MYO1D: variants seen among roughly 807,000 people sequenced by gnomAD.
MYO1D encodes unconventional myosin-Id.
A neutral mutation model predicts 122.0 loss-of-function variants in MYO1D; 83 were observed. The observed-to-expected ratio is 0.68, with a 90% CI of 0.57 to 0.82. MYO1D has a LOEUF of 0.82. MYO1D is among the 40% of genes least tolerant of loss of function. The pLI is 0.00. For missense variants in MYO1D, 1,157 were observed against 1,269.5 expected, an observed-to-expected ratio of 0.91 and a Z score of 1.35; for synonymous variants, 464 against 446.9, an observed-to-expected ratio of 1.04 and a Z score of -0.48.
rs925462806 is a variant in MYO1D at position 32,674,869 on chromosome 17, C to T, written c.2122-15531G>A. ...CAGAGATACTGGGCGAAGATGCTTC[C>T]TCAAAGGGGATTTTAGAATGTTGCA... On this transcript the variant is annotated intron_variant, in intron 16 of 21. Transcript: ENST00000318217. 5.1e-4 allele frequency among the ~76,000 whole-genome samples: 77 copies of T among 152,142 alleles called. 1 individual carries two copies. Among genetic ancestry groups the T allele is most frequent in the Admixed American group, 4.5e-3 (68 of 15,274 alleles).
At chr17:32,658,255 T>C (rs1225796133) in intron 17 of MYO1D, among the ~76,000 whole-genome samples, 1 of 152,240 alleles carries the variant, frequency 6.6e-6, no homozygotes, top group East Asian at 1.9e-4. Context: ...GAAGATAACA[T>C]CTGATTTAGC....
chr17:32,768,152 C>T (rs967566088), intron 6 of MYO1D, among the ~76,000 whole-genome samples: 2 of 152,190 alleles, frequency 1.3e-5, no homozygotes, highest in African/African-American at 4.8e-5. Context: ...CTCTTTGTTC[C>T]ACAATTGTCT....
intron 19 of MYO1D, among the ~76,000 whole-genome samples, chr17:32,645,662 A>G (rs2088280642): frequency 6.6e-6 from 1 of 152,024 alleles, no homozygotes. Flanking sequence ...TTGATCTTCA[A>G]TCACTGATAC....
chr17:32,656,577 T>C (rs926064225), intron 17 of MYO1D, among the ~76,000 whole-genome samples: 2 of 152,248 alleles, frequency 1.3e-5, no homozygotes, highest in Admixed American at 1.3e-4. Context: ...GCAGGCCACA[T>C]GTTGGTCAGA....
At chr17:32,644,867 A>G (rs1479382691) in intron 19 of MYO1D, among the ~76,000 whole-genome samples, 3 of 152,032 alleles carry the variant, frequency 2.0e-5, no homozygotes, top group Non-Finnish European at 4.4e-5. Context: ...TCTTTATCCA[A>G]TTTGCCAGTC....
chr17:32,729,927 C>T (rs769606197), intron 14 of MYO1D, among the ~76,000 whole-genome samples: 5 of 152,136 alleles, frequency 3.3e-5, no homozygotes, highest in Admixed American at 1.3e-4. Flanking sequence ...TATTTCCTTA[C>T]GGGTGTCACT....
At chr17:32,732,307 T>C (rs1379112137) in intron 14 of MYO1D, among the ~76,000 whole-genome samples, 1 of 152,174 alleles carries the variant, frequency 6.6e-6, no homozygotes, top group African/African-American at 2.4e-5. Context: ...GCCAGTTCCA[T>C]GGTCCAGAGT....
At chr17:32,800,713 T>A (rs1567648279) in intron 1 of MYO1D, among the ~76,000 whole-genome samples, 1 of 152,120 alleles carries the variant, frequency 6.6e-6, no homozygotes, top group East Asian at 1.9e-4. Context: ...TTGTTTTTAT[T>A]TTTGTTTTTC....
At chr17:32,547,004 A>G (rs1207482074) in intron 21 of MYO1D, among the ~76,000 whole-genome samples, 1 of 150,656 alleles carries the variant, frequency 6.6e-6, no homozygotes, top group Non-Finnish European at 1.5e-5. Flanking sequence ...CAAATTCCTG[A>G]GCTCCAGTGA....
At chr17:32,646,811 G>A (rs1206874534) in intron 19 of MYO1D, among the ~76,000 whole-genome samples, 1 of 152,056 alleles carries the variant, frequency 6.6e-6, no homozygotes. Context: ...GAATTGAGTG[G>A]GAAGGACATC....
intron 14 of MYO1D, among the ~76,000 whole-genome samples, chr17:32,726,560 C>A: frequency 6.7e-6 from 1 of 149,704 alleles, no homozygotes; most frequent in East Asian, 1.9e-4. Flanking sequence ...ATGTAAATTA[C>A]AATCTAAATA....
chr17:32,687,301 A>G (rs567664650), intron 16 of MYO1D, among the ~76,000 whole-genome samples: 14 of 149,978 alleles, frequency 9.3e-5, no homozygotes, highest in Non-Finnish European at 2.1e-4. Flanking sequence ...GGTTCACGCC[A>G]TTCTCCTGCC....
intron 1 of MYO1D, among the ~76,000 whole-genome samples, chr17:32,872,434 G>T (rs1400559149): frequency 1.3e-5 from 2 of 151,848 alleles, no homozygotes; most frequent in African/African-American, 4.8e-5. Context: ...CACCACGCCT[G>T]GCTAATTTTT....
chr17:32,729,607 C>T (rs1470469495), intron 14 of MYO1D, among the ~76,000 whole-genome samples: 1 of 152,066 alleles, frequency 6.6e-6, no homozygotes, highest in African/African-American at 2.4e-5. Flanking sequence ...AAGACCTGGC[C>T]AAAATCAGAA....
At chr17:32,725,178 T>C (rs2089557262) in intron 14 of MYO1D, among the ~76,000 whole-genome samples, 1 of 151,934 alleles carries the variant, frequency 6.6e-6, no homozygotes, top group Admixed American at 6.6e-5. Flanking sequence ...AAAAATATAA[T>C]AAAGGAAATT....
At chr17:32,737,972 G>A (rs1382341079) in intron 14 of MYO1D, among the ~76,000 whole-genome samples, 1 of 152,204 alleles carries the variant, frequency 6.6e-6, no homozygotes, top group African/African-American at 2.4e-5. Flanking sequence ...TGGGCATGCT[G>A]TGCCTTATAT....
chr17:32,671,066 G>C (rs1191356329), intron 16 of MYO1D, among the ~76,000 whole-genome samples: 1 of 152,216 alleles, frequency 6.6e-6, no homozygotes, highest in Non-Finnish European at 1.5e-5. Flanking sequence ...GCCAGAGTGG[G>C]GCAAAAGGCT....
intron 1 of MYO1D, among the ~76,000 whole-genome samples, chr17:32,810,910 G>A (rs1218212204): frequency 6.6e-6 from 1 of 151,836 alleles, no homozygotes; most frequent in Non-Finnish European, 1.5e-5. Flanking sequence ...TAAATTATCT[G>A]GCCTTTTAAA....
intron 1 of MYO1D, among the ~76,000 whole-genome samples, chr17:32,835,517 T>C (rs768096898): frequency 1.3e-5 from 2 of 152,192 alleles, no homozygotes; most frequent in Non-Finnish European, 2.9e-5. Flanking sequence ...ATGAATAGCA[T>C]TGTCACAAAG....
Sources: allele counts gnomAD v4.1 joint callset (sites outside exome capture counted in the v4.1 genomes callset), GRCh38; gene constraint gnomAD v4.1.1; transcripts MANE v1.5; gene names NCBI Gene and HGNC (gene_info 2026-07-23, HGNC 2026-07-21).